MBP: variants seen among roughly 807,000 people sequenced by gnomAD.
The protein encoded by MBP is myelin basic protein.
MBP carries 16 observed loss-of-function variants against 35.8 expected under a neutral mutation model. That is an observed-to-expected ratio of 0.45 (90% CI 0.30 to 0.68). MBP has a LOEUF of 0.68. MBP is among the 30% of genes least tolerant of loss of function. The pLI is 0.08. For missense variants in MBP, 380 were observed against 404.7 expected (o/e 0.94, Z 0.52); for synonymous variants, 143 against 159.6 (o/e 0.90, Z 0.78).
chr18:77,062,429 T>G (rs530348519), intron 3 of MBP, among the ~76,000 whole-genome samples: 15 of 152,082 alleles, frequency 9.9e-5, no homozygotes, highest in Non-Finnish European at 1.8e-4. Flanking sequence ...CGCCCAGTTC[T>G]CTAGGTTGTC....
chr18:77,082,028 A>G (rs1030096623), intron 2 of MBP, among the ~76,000 whole-genome samples: 4 of 150,646 alleles, frequency 2.7e-5, no homozygotes, highest in African/African-American at 4.9e-5. Context: ...ATTTTTTTGT[A>G]TTTTTAGTAG....
At chr18:77,023,839 C>T (rs950292329) in intron 3 of MBP, among the ~76,000 whole-genome samples, 4 of 152,218 alleles carry the variant, frequency 2.6e-5, no homozygotes, top group African/African-American at 9.6e-5. Context: ...CCTTAGTTCT[C>T]TTCTAATCGC....
intron 2 of MBP, among the ~76,000 whole-genome samples, chr18:77,085,012 G>T (rs1410782754): frequency 6.6e-6 from 1 of 151,992 alleles, no homozygotes; most frequent in Non-Finnish European, 1.5e-5. Flanking sequence ...TTTACTACAA[G>T]AGTTTGATAG....
Position 77,066,163 on chromosome 18 carries a change from CTA to C in MBP, c.139+133_139+134del, listed in dbSNP as rs1568321784. 4.5e-6 allele frequency: 3 copies of C among 664,336 alleles called. No homozygotes were observed. In the African/African-American group the frequency reaches 5.5e-5, roughly 12 times the overall value. The allele number at this position is 664,336 out of a possible 1,614,324, so 41.2% of individuals were successfully genotyped here. On this transcript the variant is annotated intron_variant, in intron 3 of 8. Coordinates refer to ENST00000355994, the MANE Select transcript of MBP (RefSeq NM_001025101.2). ...AGACATGAAGCAATGATCCCAGCCT[CTA>C]TGTTTTAGTAATGAGTACAGACAGA...
intron 3 of MBP, among the ~76,000 whole-genome samples, chr18:77,042,434 A>G (rs1386750056): frequency 6.6e-6 from 1 of 152,200 alleles, no homozygotes; most frequent in Non-Finnish European, 1.5e-5. Flanking sequence ...CACTTCCAAA[A>G]ACATTTGCAT....
Position 76,989,867 on chromosome 18 carries a change from C to T in MBP, c.681+89G>A, listed in dbSNP as rs757076720. ...TGATGACCCCGGTGCCACCCCCGAG[C>T]GTACGAACGTCCTGTGTGGATGACA... On this transcript the variant is annotated intron_variant, in intron 5 of 8. Transcript: ENST00000355994. This position sits in a 1 kb window ranked among gnomAD's most constrained non-coding sequence, Gnocchi z 4.0. 312 of 1,148,150 alleles carry T rather than the reference C, an allele frequency of 2.7e-4. 1 individual carries two copies. The highest frequency in any genetic ancestry group is 3.6e-4 in the Non-Finnish European group (279 of 766,172). The allele number at this position is 1,148,150 out of a possible 1,614,324, so 71.1% of individuals were successfully genotyped here.
intron 2 of MBP, among the ~76,000 whole-genome samples, chr18:77,081,767 T>C (rs7505207): frequency 0.23 from 22,462 of 99,084 alleles, 2,302 homozygotes; most frequent in African/African-American, 0.35. Flanking sequence ...TATATATATA[T>C]ACACACACAC....
At chr18:77,077,353 G>A (rs1328731632) in intron 2 of MBP, among the ~76,000 whole-genome samples, 2 of 59,452 alleles carry the variant, frequency 3.4e-5, no homozygotes, top group Non-Finnish European at 3.7e-5. Context: ...GTGAGACTCC[G>A]TCGCAAAAAA....
Position 77,028,961 on chromosome 18 carries a change from A to G in MBP, c.140-11693T>C, listed in dbSNP as rs1972402668. ...CAGCCAGGCAGAGGGGCTCCATCCC[A>G]GACAATGGGCGGCCAGGCAGAGACG... is the stretch of plus-strand genomic sequence containing the variant. On this transcript the variant is annotated intron_variant, in intron 3 of 8. Transcript: ENST00000355994. Among the ~76,000 whole-genome samples, 2 of 99,460 alleles carry G rather than the reference A, an allele frequency of 2.0e-5. 1 individual carries two copies. The highest frequency in any genetic ancestry group is 2.1e-4 in the Admixed American group (2 of 9,314). 65.2% of individuals were successfully genotyped at this position (99,460 alleles called of 152,430 possible). A position where few individuals can be genotyped will look rare whatever the true frequency, so the allele number is the denominator to read the frequency against.
intron 4 of MBP, chr18:77,003,944 T>G (rs1267835294): frequency 1.3e-5 from 2 of 152,016 alleles, no homozygotes; most frequent in Non-Finnish European, 2.9e-5. Flanking sequence ...GCAGACCCCC[T>G]GCAAACTATC....
chr18:77,059,416 G>A (rs1028460274), intron 3 of MBP, among the ~76,000 whole-genome samples: 1 of 151,496 alleles, frequency 6.6e-6, no homozygotes, highest in Non-Finnish European at 1.5e-5. Flanking sequence ...AATTCAATTT[G>A]CTGCTTTATT....
chr18:77,005,623 T>C (rs977270748), intron 4 of MBP: 1 of 152,198 alleles, frequency 6.6e-6, no homozygotes, highest in Non-Finnish European at 1.5e-5. Flanking sequence ...CTTCTGAGAA[T>C]GGTGGGAGCA....
At chr18:77,053,620 G>A (rs1973602386) in intron 3 of MBP, among the ~76,000 whole-genome samples, 2 of 152,256 alleles carry the variant, frequency 1.3e-5, no homozygotes, top group Non-Finnish European at 2.9e-5. Flanking sequence ...TTGCTGAGCT[G>A]TAGCATAGAG....
chr18:77,105,049 T>TG (rs1976212987), intron 2 of MBP, among the ~76,000 whole-genome samples, 162 bp downstream of exon 2: 1 of 14,808 alleles, frequency 6.8e-5, no homozygotes, highest in Non-Finnish European at 7.7e-4. Context: ...TAATAAATCA[T>TG]AATTAATTAT....
intron 4 of MBP, chr18:77,002,920 G>A (rs568870757): frequency 3.5e-4 from 53 of 152,338 alleles, no homozygotes; most frequent in African/African-American, 1.3e-3. Context: ...CTATTGGCTA[G>A]AACTAACAGT....
At chr18:77,084,956 G>A (rs542663370) in intron 2 of MBP, among the ~76,000 whole-genome samples, 7 of 15,260 alleles carry the variant, frequency 4.6e-4, no homozygotes, top group East Asian at 1.1e-3. Flanking sequence ...GAAGGGGGAG[G>A]GGGGAGAGAG....
At chr18:77,057,730 C>T (rs1289571184) in intron 3 of MBP, among the ~76,000 whole-genome samples, 3 of 152,112 alleles carry the variant, frequency 2.0e-5, no homozygotes, top group African/African-American at 7.2e-5. Flanking sequence ...TTCTCATAGC[C>T]GTTTCTTGGA....
intron 4 of MBP, among the ~76,000 whole-genome samples, chr18:76,996,938 C>T (rs1280880324): frequency 6.6e-6 from 1 of 152,152 alleles, no homozygotes; most frequent in Non-Finnish European, 1.5e-5. Context: ...ATGGGTGCAT[C>T]GTATCACTGT....
chr18:77,092,648 C>T (rs1599230554), intron 2 of MBP, among the ~76,000 whole-genome samples: 1 of 152,276 alleles, frequency 6.6e-6, no homozygotes, highest in African/African-American at 2.4e-5. Context: ...GCTGCCAGAT[C>T]TCACCAAGCC....
Sources: allele counts gnomAD v4.1 joint callset (sites outside exome capture counted in the v4.1 genomes callset), GRCh38; gene constraint gnomAD v4.1.1; non-coding constraint Gnocchi (gnomAD v3.1); transcripts MANE v1.5; gene names NCBI Gene and HGNC (gene_info 2026-07-23, HGNC 2026-07-21).